RANBP17: variants seen among roughly 807,000 people sequenced by gnomAD.
RANBP17 encodes the protein ran-binding protein 17.
A neutral mutation model predicts 141.2 loss-of-function variants in RANBP17; 158 were observed. The ratio of observed to expected loss-of-function variants is 1.12; its 90% CI spans 0.98 to 1.28. The LOEUF (loss-of-function observed/expected upper bound fraction) is 1.28. RANBP17 is among the 50% of genes most tolerant of loss of function. RANBP17 has a pLI of 0.00. For synonymous variants in RANBP17, 430 were observed against 450.0 expected (o/e 0.96, Z 0.56); for missense variants, 1,438 against 1,290.7 (o/e 1.11, Z -1.75).
chr5:170,955,648 G>GTA (rs1159344330), intron 13 of RANBP17, among the ~76,000 whole-genome samples: 862 of 21,504 alleles, frequency 0.04, 53 homozygotes, highest in East Asian at 0.08. Flanking sequence ...TATGCTCAGT[G>GTA]TATATATATA....
chr5:171,016,690 A>C (rs1419365921), intron 14 of RANBP17, among the ~76,000 whole-genome samples: 3 of 151,912 alleles, frequency 2.0e-5, no homozygotes, highest in Admixed American at 6.6e-5. Context: ...ATTTTTTACT[A>C]TTCCATTTTA....
intron 14 of RANBP17, among the ~76,000 whole-genome samples, chr5:170,992,593 T>C (rs1275294898): frequency 6.6e-6 from 1 of 152,044 alleles, no homozygotes; most frequent in Non-Finnish European, 1.5e-5. Context: ...CATATCTCCA[T>C]GGTACATGTC....
intron 25 of RANBP17, chr5:171,271,452 G>C: frequency 4.8e-6 from 1 of 209,648 alleles, no homozygotes; most frequent in East Asian, 7.2e-5. Context: ...AACTGATGTT[G>C]AGATTTTGGC....
At chr5:171,209,350 A>G (rs1762748038) in intron 20 of RANBP17, among the ~76,000 whole-genome samples, 1 of 152,216 alleles carries the variant, frequency 6.6e-6, no homozygotes. Context: ...CTTATTCCAT[A>G]GGTAGTATAA....
intron 14 of RANBP17, among the ~76,000 whole-genome samples, chr5:171,009,876 G>T (rs1040264475): frequency 6.6e-6 from 1 of 152,130 alleles, no homozygotes; most frequent in Non-Finnish European, 1.5e-5. Context: ...GGAATTGGAG[G>T]TAAGATGCAC....
At position 171,183,417 on chromosome 5, in the gene RANBP17, G is replaced by C; in HGVS notation, c.2025G>C (p.Leu675=). The C allele has an allele frequency of 6.2e-7, 1 of 1,611,926 alleles. No homozygotes were observed. Among genetic ancestry groups the C allele is most frequent in the Non-Finnish European group, 8.5e-7 (1 of 1,178,020 alleles). ...TTFYTALTRL[L]MVDLGEDEDE... ...TCTACACAGCGCTCACTCGCCTTCT[G>C]ATGGTAGATCTGGGTAAGGTTAAGA... Residue 675 remains leucine, a synonymous_variant, in exon 18 of 28, where the codon CTG becomes CTC. Coordinates refer to ENST00000523189, the MANE Select transcript of RANBP17 (RefSeq NM_022897.5).
intron 14 of RANBP17, among the ~76,000 whole-genome samples, chr5:171,089,548 C>T (rs1561642142): frequency 6.6e-6 from 1 of 151,936 alleles, no homozygotes; most frequent in African/African-American, 2.4e-5. Context: ...GCGGGCGCCC[C>T]TCCCCCGGCC....
In RANBP17 at chr5:171,056,881, C is replaced by T. The variant is rs141149811; in HGVS notation, c.1710+88504C>T. On this transcript the variant is annotated intron_variant, in intron 14 of 27. Transcript: ENST00000523189. ...AGGGGAAGACAGCTTTCCAACCAAT[C>T]GGTCTCTTTTCTTTTCCTCCTTTTT... is the stretch of plus-strand genomic sequence containing the variant. Among the ~76,000 whole-genome samples, 182 of 152,216 alleles carry T rather than the reference C, an allele frequency of 1.2e-3. 1 individual carries two copies. The highest frequency in any genetic ancestry group is 2.5e-3 in the African/African-American group (102 of 41,562).
At chr5:170,885,767 T>C (rs944055381) in intron 3 of RANBP17, among the ~76,000 whole-genome samples, 5 of 152,202 alleles carry the variant, frequency 3.3e-5, no homozygotes, top group African/African-American at 1.2e-4. Context: ...TTGAAACATA[T>C]ATTTGATTTT....
chr5:171,251,766 C>G, intron 24 of RANBP17: 1 of 972,374 alleles, frequency 1.0e-6, no homozygotes, highest in Admixed American at 1.9e-5. Flanking sequence ...CCTCCTCCCG[C>G]GCCCGCCCCC....
At chr5:171,153,877 A>C (rs971834908) in intron 14 of RANBP17, among the ~76,000 whole-genome samples, 1 of 151,934 alleles carries the variant, frequency 6.6e-6, no homozygotes, top group Non-Finnish European at 1.5e-5. Flanking sequence ...AAAATACAAA[A>C]TTAGCCAGGC....
At chr5:171,266,144 A>T (rs1281572681) in intron 25 of RANBP17, among the ~76,000 whole-genome samples, 1 of 152,128 alleles carries the variant, frequency 6.6e-6, no homozygotes, top group Non-Finnish European at 1.5e-5. Flanking sequence ...AACTGGAAAC[A>T]GTCAGCCTCT....
At chr5:171,116,962 G>A (rs537750359) in intron 14 of RANBP17, among the ~76,000 whole-genome samples, 16 of 152,294 alleles carry the variant, frequency 1.1e-4, no homozygotes, top group African/African-American at 3.9e-4. Context: ...AATGCCTGCA[G>A]TTGCATCCAT....
At chr5:171,236,797 A>G (rs906963656) in intron 22 of RANBP17, among the ~76,000 whole-genome samples, 12 of 152,240 alleles carry the variant, frequency 7.9e-5, no homozygotes, top group Non-Finnish European at 2.9e-5. Flanking sequence ...ACTGTGAAGT[A>G]CACAAGTTAA....
chr5:171,275,424 C>T (rs1486044622), intron 25 of RANBP17, among the ~76,000 whole-genome samples: 2 of 152,150 alleles, frequency 1.3e-5, no homozygotes, highest in Non-Finnish European at 2.9e-5. Context: ...GTGCTTCATA[C>T]TTGAATAGAT....
intron 14 of RANBP17, among the ~76,000 whole-genome samples, chr5:171,156,417 G>C (rs1758897412): frequency 6.6e-6 from 1 of 152,226 alleles, no homozygotes; most frequent in East Asian, 1.9e-4. Context: ...AATTTATTTA[G>C]ATGTTTTTAA....
chr5:171,157,228 T>G (rs1758968415), intron 14 of RANBP17, among the ~76,000 whole-genome samples: 1 of 152,222 alleles, frequency 6.6e-6, no homozygotes, highest in Non-Finnish European at 1.5e-5. Flanking sequence ...TCTAATAATT[T>G]TCAGCTTGCT....
At chr5:170,988,609 A>G (rs1468794534) in intron 14 of RANBP17, among the ~76,000 whole-genome samples, 1 of 151,666 alleles carries the variant, frequency 6.6e-6, no homozygotes, top group African/African-American at 2.4e-5. Context: ...CAACAAGGCA[A>G]TCTTCGTCCA....
At chr5:170,996,747 T>C (rs138743644) in intron 14 of RANBP17, among the ~76,000 whole-genome samples, 89 of 152,306 alleles carry the variant, frequency 5.8e-4, no homozygotes, top group African/African-American at 2.0e-3. Context: ...AAAAGAATAA[T>C]TTATCTTTCT....
Sources: allele counts gnomAD v4.1 joint callset (sites outside exome capture counted in the v4.1 genomes callset), GRCh38; gene constraint gnomAD v4.1.1; transcripts MANE v1.5; gene names NCBI Gene and HGNC (gene_info 2026-07-23, HGNC 2026-07-21).